CPEB1: variants seen among roughly 807,000 people sequenced by gnomAD.
The protein encoded by CPEB1 is cytoplasmic polyadenylation element binding protein 1, also known as cytoplasmic polyadenylation element-binding protein 1.
A neutral mutation model predicts 65.8 loss-of-function variants in CPEB1; 7 were observed. The ratio of observed to expected loss-of-function variants is 0.11; its 90% confidence interval spans 0.06 to 0.20. CPEB1 has a LOEUF of 0.20. Among genes scored for constraint, CPEB1 ranks in the 10% least tolerant of loss-of-function variants. CPEB1 has a pLI of 1.00. For synonymous variants in CPEB1, 262 were observed against 260.0 expected (o/e 1.01, Z -0.08); for missense variants, 551 against 712.2 (o/e 0.77, Z 2.58).
At position 82,619,627 on chromosome 15, in the gene CPEB1, G is replaced by C. The variant is rs534790279; in HGVS notation, c.271+7566C>G. ...ATAACCCTAAGAAAAATGAGTATAA[G>C]GCCTGAAGAGACACTTCAAGAAAAA... On this transcript the variant is annotated intron_variant, in intron 3 of 12. Transcript: ENST00000684509. Among the ~76,000 whole-genome samples, 5 of 152,050 alleles carry C rather than the reference G, an allele frequency of 3.3e-5. No individual in the cohort carries two copies. The South Asian group carries it at 8.4e-4, about 25-fold the overall frequency.
At position 82,556,158 on chromosome 15, in the gene CPEB1, C is replaced by T. The variant is rs137878127; in HGVS notation, c.688-36G>A. The T allele has an allele frequency of 4.4e-3, 6,796 of 1,555,316 alleles. 25 individuals carry two copies. The highest frequency in any genetic ancestry group is 4.9e-3 in the Non-Finnish European group (5,709 of 1,159,148). On this transcript the variant is annotated intron_variant, in intron 5 of 12. Coordinates refer to ENST00000684509, the MANE Select transcript of CPEB1 (RefSeq NM_001365242.1). The stretch of plus-strand genomic sequence containing the variant: ...AAAAAGGAAGACAGGGTTTTAAAGG[C>T]TAGTTTTGTTATAAAGTAATAATCA...
chr15:82,632,807 G>C (rs2046373554), intron 1 of CPEB1, among the ~76,000 whole-genome samples: 1 of 152,046 alleles, frequency 6.6e-6, no homozygotes, highest in African/African-American at 2.4e-5. Flanking sequence ...GGGATTACAG[G>C]CATGAGCTAC....
chr15:82,628,058 T>A (rs2045922018), intron 2 of CPEB1: 1 of 616,378 alleles, frequency 1.6e-6, no homozygotes, highest in Admixed American at 2.9e-5. Context: ...TTACACATGC[T>A]ACTCTACAGA....
At chr15:82,609,440 G>A (rs1233872006) in intron 3 of CPEB1, among the ~76,000 whole-genome samples, 1 of 151,988 alleles carries the variant, frequency 6.6e-6, no homozygotes, top group East Asian at 1.9e-4. Context: ...GGTCGCGGCT[G>A]CAGTGAGCTG....
At chr15:82,612,600 T>C (rs972310025) in intron 3 of CPEB1, among the ~76,000 whole-genome samples, 1 of 149,764 alleles carries the variant, frequency 6.7e-6, no homozygotes, top group Non-Finnish European at 1.5e-5. Context: ...ACTTTGGGAG[T>C]CCAAGGCGGG....
At chr15:82,548,623 G>C (rs1010816952) in intron 10 of CPEB1, 3 of 419,780 alleles carry the variant, frequency 7.1e-6, no homozygotes, top group African/African-American at 6.1e-5. Flanking sequence ...TGTCTGAAGG[G>C]TAAGCCCAGC....
chr15:82,557,904 A>C lies in CPEB1; in HGVS notation c.543T>G (p.Ser181=), dbSNP rs750865909. ...LSFLPLDPLG[S]DLVDKFPAPS... is the part of the protein sequence containing the mutation. ...GTGCTGGAAACTTGTCCACCAAGTCAGACCCAAGGGGATCCAGAGGCAGGA... is the reference window on the plus strand; with the variant it reads ...GTGCTGGAAACTTGTCCACCAAGTCCGACCCAAGGGGATCCAGAGGCAGGA... The change falls in exon 5 of 13, where the codon TCT becomes TCG. Residue 181 remains serine, a synonymous_variant. Coordinates refer to ENST00000684509, the MANE Select transcript of CPEB1 (RefSeq NM_001365242.1). 1 of 1,614,190 alleles carries C rather than the reference A, an allele frequency of 6.2e-7. No individual in the cohort carries two copies. The highest frequency in any genetic ancestry group is 2.2e-5 in the East Asian group (1 of 44,890).
intron 4 of CPEB1, among the ~76,000 whole-genome samples, chr15:82,558,953 G>GTT (rs5814116): frequency 6.8e-6 from 1 of 147,250 alleles, no homozygotes; most frequent in Non-Finnish European, 1.5e-5. Flanking sequence ...TTAATTTGAA[G>GTT]TTTTTTTTTT....
intron 3 of CPEB1, among the ~76,000 whole-genome samples, chr15:82,606,933 C>T (rs949072006): frequency 6.6e-6 from 1 of 151,598 alleles, no homozygotes; most frequent in Non-Finnish European, 1.5e-5. Flanking sequence ...AGGAGTTTGA[C>T]ACCAGCCTGG....
At chr15:82,547,752 A>C (rs1311527064) in intron 10 of CPEB1, among the ~76,000 whole-genome samples, 1 of 151,566 alleles carries the variant, frequency 6.6e-6, no homozygotes, top group African/African-American at 2.4e-5. Context: ...AGCTCACTGC[A>C]ACCTCTGCAT....
At chr15:82,621,788 A>T (rs1250641752) in intron 3 of CPEB1, among the ~76,000 whole-genome samples, 2 of 152,146 alleles carry the variant, frequency 1.3e-5, no homozygotes, top group Non-Finnish European at 2.9e-5. Flanking sequence ...CTGTATGTGT[A>T]TTATATTTCA....
intron 4 of CPEB1, 59 bp from the exon 5 acceptor site, chr15:82,558,045 TCTTTC>T (rs1404611607): frequency 8.1e-7 from 1 of 1,239,186 alleles, no homozygotes; most frequent in Non-Finnish European, 1.1e-6. Context: ...GCCAACAGCC[TCTTTC>T]TTCTCCTACA....
chr15:82,578,689 G>A (rs549609613), intron 3 of CPEB1, among the ~76,000 whole-genome samples: 3 of 152,028 alleles, frequency 2.0e-5, no homozygotes, highest in South Asian at 2.1e-4. Context: ...CCCAAGAGGC[G>A]GAGGTTGCAG....
intron 3 of CPEB1, among the ~76,000 whole-genome samples, chr15:82,609,880 G>C (rs796417808): frequency 2.0e-5 from 3 of 152,008 alleles, no homozygotes; most frequent in African/African-American, 7.2e-5. Flanking sequence ...AATCAACATA[G>C]AAAAACTCCG....
intron 3 of CPEB1, among the ~76,000 whole-genome samples, chr15:82,572,842 G>A (rs1596046542): frequency 6.6e-6 from 1 of 152,312 alleles, no homozygotes; most frequent in East Asian, 1.9e-4. Flanking sequence ...GCCACTCACA[G>A]CTCCAGCAAC....
chr15:82,601,196 C>T (rs1469005381), intron 3 of CPEB1, among the ~76,000 whole-genome samples: 3 of 150,430 alleles, frequency 2.0e-5, no homozygotes, highest in African/African-American at 7.3e-5. Context: ...GCATGAGTCA[C>T]CGTGCTTGGG....
At chr15:82,573,075 G>A in intron 3 of CPEB1, 1 of 1,535,614 alleles carries the variant, frequency 6.5e-7, no homozygotes, top group Non-Finnish European at 8.7e-7. Flanking sequence ...GAAGCAAGCA[G>A]ATACGGGAAG....
At chr15:82,568,251 C>T (rs894116503) in intron 4 of CPEB1, among the ~76,000 whole-genome samples, 2 of 152,072 alleles carry the variant, frequency 1.3e-5, no homozygotes, top group African/African-American at 2.4e-5. Context: ...AAAAATTAGT[C>T]GATAAATGGT....
intron 3 of CPEB1, among the ~76,000 whole-genome samples, chr15:82,591,212 C>T (rs2042224869): frequency 6.6e-6 from 1 of 152,100 alleles, no homozygotes; most frequent in South Asian, 2.1e-4. Flanking sequence ...TGTAGCCATC[C>T]TGACTGGTGT....
Sources: gnomAD v4.1 joint callset for allele counts (sites outside exome capture counted in the v4.1 genomes callset) on GRCh38, gnomAD v4.1.1 for gene constraint, MANE v1.5 for transcripts, NCBI Gene and HGNC (gene_info 2026-07-23, HGNC 2026-07-21) for gene names.